Variants in FUT8 observed in about 807,000 individuals in gnomAD.
FUT8 encodes alpha-(1,6)-fucosyltransferase.
In FUT8, 29 loss-of-function variants were observed where a neutral mutation model predicts 71.3. The ratio of observed to expected loss-of-function variants is 0.41; its 90% CI spans 0.30 to 0.55. FUT8 has a LOEUF of 0.55. Among genes scored for constraint, FUT8 ranks in the 20% least tolerant of loss-of-function variants. The pLI is 0.34. For missense variants in FUT8, 544 were observed against 702.1 expected, an observed-to-expected ratio of 0.77 and a Z score of 2.55; for synonymous variants, 254 against 239.3, an observed-to-expected ratio of 1.06 and a Z score of -0.57.
Position 65,521,897 on chromosome 14 carries a change from C to G in FUT8, c.-227-39440C>G, listed in dbSNP as rs554798699. 2.3e-4 allele frequency among the ~76,000 whole-genome samples: 34 copies of G among 150,416 alleles called. 1 individual carries two copies. In the South Asian group the frequency reaches 6.3e-3, roughly 28 times the overall value. ...TTTTTTTTTTTTAAATTCATACTAC[C>G]AAATTATTTCAAGCTACAGAGGTCT... On this transcript the variant is annotated intron_variant, in intron 2 of 10. Transcript: ENST00000673929.
chr14:65,632,429 A>G (rs1293802240), intron 6 of FUT8, among the ~76,000 whole-genome samples: 2 of 152,194 alleles, frequency 1.3e-5, no homozygotes, highest in East Asian at 1.9e-4. Context: ...TTGCAGGAGT[A>G]AGGTGGTATT....
At chr14:65,436,506 T>C (rs1351205566) in intron 1 of FUT8, among the ~76,000 whole-genome samples, 1 of 150,502 alleles carries the variant, frequency 6.6e-6, no homozygotes, top group Non-Finnish European at 1.5e-5. Context: ...GGTGGGCGCC[T>C]GTAGTCCAGC....
At chr14:65,581,087 C>T (rs1168242218) in intron 3 of FUT8, among the ~76,000 whole-genome samples, 3 of 152,150 alleles carry the variant, frequency 2.0e-5, no homozygotes, top group East Asian at 3.9e-4. Flanking sequence ...TACTGAACAG[C>T]TTGATATTGC....
chr14:65,662,126 T>C (rs780673734), intron 6 of FUT8, among the ~76,000 whole-genome samples: 1 of 151,994 alleles, frequency 6.6e-6, no homozygotes, highest in Non-Finnish European at 1.5e-5. Flanking sequence ...TAAAAGAAAA[T>C]AATTGGGCCA....
chr14:65,718,741 A>C (rs552515313), intron 7 of FUT8, among the ~76,000 whole-genome samples: 1 of 152,314 alleles, frequency 6.6e-6, no homozygotes, highest in East Asian at 1.9e-4. Flanking sequence ...TGGATATACT[A>C]TTCTAGGGTA....
At chr14:65,536,589 T>G (rs937532658) in intron 2 of FUT8, among the ~76,000 whole-genome samples, 2 of 152,226 alleles carry the variant, frequency 1.3e-5, no homozygotes, top group African/African-American at 4.8e-5. Context: ...CCCCAATCTC[T>G]TCTGACTTAT....
At chr14:65,526,469 A>T (rs1594738354) in intron 2 of FUT8, among the ~76,000 whole-genome samples, 1 of 152,234 alleles carries the variant, frequency 6.6e-6, no homozygotes, top group East Asian at 1.9e-4. Context: ...TTCATGTGAG[A>T]CAGGTCTCCT....
chr14:65,423,982 T>C (rs2065342594), intron 1 of FUT8, among the ~76,000 whole-genome samples: 1 of 152,226 alleles, frequency 6.6e-6, no homozygotes, highest in African/African-American at 2.4e-5. Flanking sequence ...CAACTGCAGC[T>C]GCAGACCTCA....
rs1301906482 is a variant in FUT8 at position 65,439,952 on chromosome 14, GTGTATATATA to G, written c.-325-15667_-325-15658del. On this transcript the variant is annotated intron_variant, in intron 1 of 10. Transcript: ENST00000673929. ...GGATAAAGAAAATGTGTGTGTGTGT[GTGTATATATA>G]TATATATATATATATATATATATAT... Among the ~76,000 whole-genome samples the G allele has an allele frequency of 5.5e-4, 21 of 38,224 alleles. 1 individual carries two copies. The East Asian group carries it at 5.7e-3, about 10-fold the overall frequency. 25.1% of individuals were successfully genotyped at this position (38,224 alleles called of 152,430 possible).
At chr14:65,374,371 G>A in the FUT8 span, among the ~76,000 whole-genome samples, 2 of 152,108 alleles carry the variant, frequency 1.3e-5, no homozygotes, top group Non-Finnish European at 2.9e-5. Flanking sequence ...CTGGGAAAAA[G>A]GGGTTTGGAT....
In FUT8 at chr14:65,611,282, CA is replaced by C. The variant is rs1888968991; in HGVS notation, c.204-4695del. 3.3e-4 allele frequency among the ~76,000 whole-genome samples: 13 copies of C among 39,954 alleles called. 1 individual carries two copies. Among genetic ancestry groups the C allele is most frequent in the African/African-American group, 4.1e-4 (4 of 9,722 alleles). The allele number at this position is 39,954 out of a possible 152,430, so 26.2% of individuals were successfully genotyped here. A position where few individuals can be genotyped will look rare whatever the true frequency, so the allele number is the denominator to read the frequency against. On this transcript the variant is annotated intron_variant, in intron 3 of 10. Coordinates refer to ENST00000673929, the MANE Select transcript of FUT8 (RefSeq NM_001371533.1). ...ACACACACACACACACACACACACACACACACACACACACACACACCCCCCA... is the reference window on the plus strand; with the variant it reads ...ACACACACACACACACACACACACACCACACACACACACACACACCCCCCA...
At position 65,724,143 on chromosome 14, in the gene FUT8, C is replaced by T; in HGVS notation, c.1083-4C>T. On this transcript the variant is annotated splice_region_variant and splice_polypyrimidine_tract_variant and intron_variant, in intron 8 of 10. Transcript: ENST00000673929. ...TACCAGTAGAATCTGAATTTCTCCC[C>T]CAGAGTCCATGTCAGACGCACAGAC... 3 of 1,567,524 alleles carry T rather than the reference C, an allele frequency of 1.9e-6. No individual in the cohort carries two copies. The highest frequency in any genetic ancestry group is 4.6e-5 in the East Asian group (2 of 43,062).
chr14:65,576,010 T>A (rs915298362), intron 3 of FUT8, among the ~76,000 whole-genome samples: 6 of 152,210 alleles, frequency 3.9e-5, no homozygotes, highest in Non-Finnish European at 7.3e-5. Context: ...AGTATAGCTT[T>A]TATATAAATA....
At chr14:65,591,032 A>G (rs1277586536) in intron 3 of FUT8, among the ~76,000 whole-genome samples, 1 of 152,188 alleles carries the variant, frequency 6.6e-6, no homozygotes, top group Non-Finnish European at 1.5e-5. Flanking sequence ...CACACATAAA[A>G]CATACATTTT....
At chr14:65,473,378 T>C (rs1040866660) in intron 2 of FUT8, among the ~76,000 whole-genome samples, 1 of 152,184 alleles carries the variant, frequency 6.6e-6, no homozygotes, top group African/African-American at 2.4e-5. Flanking sequence ...TGGGGAGCAT[T>C]TTGTGTTCTC....
chr14:65,596,724 CTTTTTTT>C (rs200146349), intron 3 of FUT8, among the ~76,000 whole-genome samples: 1 of 149,114 alleles, frequency 6.7e-6, no homozygotes, highest in Non-Finnish European at 1.5e-5. Context: ...TGATATAACA[CTTTTTTT>C]TTTAAATGAA....
intron 3 of FUT8, among the ~76,000 whole-genome samples, chr14:65,605,053 G>GT (rs1391809203): frequency 6.6e-6 from 1 of 151,822 alleles, no homozygotes; most frequent in Non-Finnish European, 1.5e-5. Context: ...ATTGATACTT[G>GT]TAGGTATACT....
At chr14:65,396,228 A>C in the FUT8 span, among the ~76,000 whole-genome samples, 1 of 152,322 alleles carries the variant, frequency 6.6e-6, no homozygotes, top group East Asian at 1.9e-4. This position sits in a 1 kb window ranked among gnomAD's most constrained non-coding sequence, Gnocchi z 5.5. Flanking sequence ...CCTGTTACCC[A>C]GTTCCAAAGT....
chr14:65,588,800 A>T (rs556124632), intron 3 of FUT8, among the ~76,000 whole-genome samples: 176 of 152,296 alleles, frequency 1.2e-3, no homozygotes, highest in African/African-American at 3.8e-3. Context: ...TTTTATTATT[A>T]TTCTTGTTAA....
Sources: allele counts gnomAD v4.1 joint callset (sites outside exome capture counted in the v4.1 genomes callset), GRCh38; gene constraint gnomAD v4.1.1; non-coding constraint Gnocchi (gnomAD v3.1); transcripts MANE v1.5; gene names NCBI Gene and HGNC (gene_info 2026-07-23, HGNC 2026-07-21).